Variants in ARID1B observed in about 807,000 individuals in gnomAD.
ARID1B encodes AT-rich interactive domain-containing protein 1B.
ARID1B carries 30 observed loss-of-function variants against 212.3 expected under a neutral mutation model. That is an observed-to-expected ratio of 0.14 (90% CI 0.11 to 0.19). The LOEUF (loss-of-function observed/expected upper bound fraction) is 0.19, where lower values mean the gene tolerates loss of function less well. Ranked by LOEUF, ARID1B falls within the 10% of genes least tolerant of loss-of-function variation. The pLI is 1.00. For missense variants in ARID1B, 2,891 were observed against 3,204.0 expected, an observed-to-expected ratio of 0.90 and a Z score of 2.36; for synonymous variants, 1,402 against 1,301.7, an observed-to-expected ratio of 1.08 and a Z score of -1.66.
At chr6:157,135,530 C>G (rs969669070) in intron 7 of ARID1B, among the ~76,000 whole-genome samples, 1 of 152,182 alleles carries the variant, frequency 6.6e-6, no homozygotes, top group African/African-American at 2.4e-5. Context: ...TCCTGAGTGA[C>G]ACTGCCACCT....
intron 3 of ARID1B, among the ~76,000 whole-genome samples, chr6:156,902,454 A>G (rs1005788674): frequency 2.0e-5 from 3 of 152,198 alleles, no homozygotes; most frequent in African/African-American, 7.2e-5. Flanking sequence ...ATTAAGCAAA[A>G]TAAATAAATT....
At chr6:157,049,622 TTTTTGTA>T (rs1208330044) in intron 4 of ARID1B, among the ~76,000 whole-genome samples, 2 of 152,194 alleles carry the variant, frequency 1.3e-5, no homozygotes, top group Non-Finnish European at 2.9e-5. Context: ...AGAATAAATT[TTTTTGTA>T]TCTCATTGAG....
chr6:157,041,940 C>A (rs574612477), intron 4 of ARID1B, among the ~76,000 whole-genome samples: 5 of 152,186 alleles, frequency 3.3e-5, no homozygotes, highest in African/African-American at 1.2e-4. Context: ...TGCCTCCTTG[C>A]GCATTTGACC....
intron 4 of ARID1B, among the ~76,000 whole-genome samples, chr6:157,028,930 A>G (rs2128491073): frequency 6.6e-6 from 1 of 152,316 alleles, no homozygotes; most frequent in South Asian, 2.1e-4. Context: ...AATTGTTTGG[A>G]AGGATTGCGA....
chr6:156,914,285 G>A (rs1035967802), intron 3 of ARID1B, among the ~76,000 whole-genome samples: 4 of 152,206 alleles, frequency 2.6e-5, no homozygotes, highest in South Asian at 2.1e-4. Flanking sequence ...GAGATCATGC[G>A]GTATGAAACA....
At chr6:156,897,218 G>GCTGCTGCTT (rs1554264583) in intron 2 of ARID1B, among the ~76,000 whole-genome samples, 99 of 91,348 alleles carry the variant, frequency 1.1e-3, no homozygotes, top group Middle Eastern at 5.1e-3. Context: ...TGCTGCTGCT[G>GCTGCTGCTT]CTTCTTCTTC....
intron 4 of ARID1B, chr6:156,938,398 T>C (rs1418840923): frequency 6.6e-6 from 1 of 152,204 alleles, no homozygotes; most frequent in Non-Finnish European, 1.5e-5. Context: ...TTGGATCCTT[T>C]GTAGATTTAC....
intron 13 of ARID1B, chr6:157,185,137 C>T (rs987935500): frequency 1.3e-5 from 2 of 152,588 alleles, no homozygotes; most frequent in Middle Eastern, 6.8e-3. Flanking sequence ...CTGACAGAGA[C>T]CCTCCCATTC....
intron 2 of ARID1B, among the ~76,000 whole-genome samples, chr6:156,887,495 T>C (rs1787605660): frequency 6.6e-6 from 1 of 152,246 alleles, no homozygotes; most frequent in Non-Finnish European, 1.5e-5. Flanking sequence ...CTGAAAAGTA[T>C]CTTCATGGAA....
At chr6:157,195,573 A>G (rs1793656194) in intron 15 of ARID1B, 2 of 152,630 alleles carry the variant, frequency 1.3e-5, no homozygotes, top group South Asian at 2.1e-4. Context: ...CATGTAACAT[A>G]CATAACATAA....
chr6:156,813,035 T>TATATACACATACGTATGTATATAC, intron 1 of ARID1B, among the ~76,000 whole-genome samples: 1 of 148,758 alleles, frequency 6.7e-6, no homozygotes, highest in South Asian at 2.1e-4. Context: ...TATATACATA[T>TATATACACATACGTATGTATATAC]ATATATACAC....
intron 2 of ARID1B, among the ~76,000 whole-genome samples, chr6:156,895,178 A>G (rs1465026717): frequency 6.6e-6 from 1 of 152,232 alleles, no homozygotes; most frequent in Non-Finnish European, 1.5e-5. Flanking sequence ...ACTTTTTTAA[A>G]TTATAGAACT....
In ARID1B at chr6:156,778,536, C is replaced by T. The variant is rs2114977676; in HGVS notation, c.856C>T (p.Pro286Ser). Residue 286 changes from proline to serine, a missense_variant, in exon 1 of 20, where the codon CCG becomes TCG. Physicochemically the swap from Pro to Ser is moderately conservative, Grantham distance 74. Transcript: ENST00000636930. ...GCCGGCGGGCGGCCGCTACGAGCAC[C>T]CGGGCTTGGGCGCCCTGGGCACGCA... The part of the protein sequence containing the change: ...GEPAGGRYEH[P>S]GLGALGTQQP... 2.4e-6 allele frequency: 3 copies of T among 1,232,264 alleles called. No individual in the cohort carries two copies. The highest frequency in any genetic ancestry group is 3.0e-6 in the Non-Finnish European group (3 of 990,802). The allele number at this position is 1,232,264 out of a possible 1,614,324, so 76.3% of individuals were successfully genotyped here. A position where few individuals can be genotyped will look rare whatever the true frequency, so the allele number is the denominator to read the frequency against.
At chr6:156,830,908 T>G (rs1783098330) in intron 2 of ARID1B, among the ~76,000 whole-genome samples, 1 of 152,212 alleles carries the variant, frequency 6.6e-6, no homozygotes, top group African/African-American at 2.4e-5. Flanking sequence ...TGAATCCTAG[T>G]TGCAGATTGA....
At chr6:156,924,816 TC>T (rs1791092078) in intron 3 of ARID1B, among the ~76,000 whole-genome samples, 1 of 152,204 alleles carries the variant, frequency 6.6e-6, no homozygotes, top group Non-Finnish European at 1.5e-5. Flanking sequence ...CATTACTTTT[TC>T]CCTACAAAAA....
chr6:156,888,754 C>T (rs1186756653), intron 2 of ARID1B, among the ~76,000 whole-genome samples: 1 of 152,140 alleles, frequency 6.6e-6, no homozygotes, highest in Non-Finnish European at 1.5e-5. Context: ...AGAATTGACC[C>T]GTTCGTTACT....
At chr6:156,964,331 T>G (rs185467240) in intron 4 of ARID1B, among the ~76,000 whole-genome samples, 25 of 152,350 alleles carry the variant, frequency 1.6e-4, no homozygotes, top group African/African-American at 5.3e-4. Context: ...TGGTATCTGT[T>G]GCAGACACTT....
chr6:157,140,448 C>T lies in ARID1B; in HGVS notation c.2761+7241C>T, dbSNP rs528574682. On this transcript the variant is annotated intron_variant, in intron 7 of 19. Coordinates refer to ENST00000636930, the MANE Select transcript of ARID1B (RefSeq NM_001374828.1). ...TCACACTACTACACTCCAGCCTGGGCGACAGAGTGAGACCTTGTCTCGATA... is the reference window on the plus strand; with the variant it reads ...TCACACTACTACACTCCAGCCTGGGTGACAGAGTGAGACCTTGTCTCGATA... Among the ~76,000 whole-genome samples the T allele has an allele frequency of 1.7e-3, 256 of 152,266 alleles. 4 individuals are homozygous for T. The highest frequency in any genetic ancestry group is 5.8e-3 in the African/African-American group (239 of 41,548).
chr6:157,128,454 T>C (rs1242318262), intron 6 of ARID1B, among the ~76,000 whole-genome samples: 2 of 152,038 alleles, frequency 1.3e-5, no homozygotes, highest in Non-Finnish European at 2.9e-5. Flanking sequence ...GAGGCTGAGG[T>C]AGGAAAATCA....
Sources: allele counts gnomAD v4.1 joint callset (sites outside exome capture counted in the v4.1 genomes callset), GRCh38; gene constraint gnomAD v4.1.1; transcripts MANE v1.5; gene names NCBI Gene and HGNC (gene_info 2026-07-23, HGNC 2026-07-21).